PRKD3: variants seen among roughly 807,000 people sequenced by gnomAD.
PRKD3 encodes serine/threonine-protein kinase D3.
In PRKD3, 47 loss-of-function variants were observed where a neutral mutation model predicts 99.2. The observed-to-expected ratio is 0.47, with a 90% confidence interval of 0.38 to 0.60. The LOEUF (loss-of-function observed/expected upper bound fraction) is 0.60. PRKD3 is among the 20% of genes least tolerant of loss of function. The pLI, the probability that PRKD3 is intolerant of heterozygous loss-of-function variation, is 0.00. For missense variants in PRKD3, 1,019 were observed against 1,088.4 expected, an observed-to-expected ratio of 0.94 and a Z score of 0.90; for synonymous variants, 392 against 355.4, an observed-to-expected ratio of 1.10 and a Z score of -1.16.
At chr2:37,292,975 GC>G in intron 3 of PRKD3, 157 bp downstream of exon 3, 1 of 801,362 alleles carries the variant, frequency 1.2e-6, no homozygotes, top group Non-Finnish European at 1.8e-6. Flanking sequence ...GATATAACAT[GC>G]CTGAAAGGAA....
At chr2:37,292,991 CA>C in intron 3 of PRKD3, 141 bp downstream of exon 3, 2 of 963,784 alleles carry the variant, frequency 2.1e-6, no homozygotes, top group Non-Finnish European at 1.5e-6. Flanking sequence ...AAGGAAAAAT[CA>C]TATGGTGACC....
At chr2:37,289,643 C>G (rs1385260986) in intron 4 of PRKD3, 130 bp from the exon 5 acceptor site, 9 of 720,464 alleles carry the variant, frequency 1.2e-5, no homozygotes, top group Non-Finnish European at 1.7e-5. Flanking sequence ...AATTAAGAAC[C>G]CAGACAGCAG....
intron 2 of PRKD3, among the ~76,000 whole-genome samples, chr2:37,309,752 G>A (rs1671335979): frequency 6.6e-6 from 1 of 150,566 alleles, no homozygotes; most frequent in Non-Finnish European, 1.5e-5. Context: ...GGAGGCTGAC[G>A]CAGGAGAATC....
chr2:37,304,641 C>T (rs1671077813), intron 2 of PRKD3, among the ~76,000 whole-genome samples: 1 of 151,280 alleles, frequency 6.6e-6, no homozygotes, highest in Non-Finnish European at 1.5e-5. Flanking sequence ...ACTTGGGAGG[C>T]TGGGGCAGGA....
At chr2:37,291,972 T>C (rs1670450040) in intron 3 of PRKD3, among the ~76,000 whole-genome samples, 1 of 152,004 alleles carries the variant, frequency 6.6e-6, no homozygotes, top group Admixed American at 6.5e-5. Context: ...CAGGATGAGA[T>C]GGCAAATAGT....
chr2:37,279,974 G>C, intron 7 of PRKD3, 45 bp from the exon 8 acceptor site: 1 of 1,339,848 alleles, frequency 7.5e-7, no homozygotes, highest in Non-Finnish European at 1.0e-6. Context: ...ATTAATAGAG[G>C]AAGTCCATTA....
chr2:37,259,758 AT>A, intron 15 of PRKD3, 77 bp from the exon 16 acceptor site: 2 of 1,001,892 alleles, frequency 2.0e-6, no homozygotes, highest in Non-Finnish European at 3.1e-6. Flanking sequence ...GAATGATTTA[AT>A]TTGAAAACTC....
At chr2:37,254,741 C>T (rs1252850176) in intron 17 of PRKD3, among the ~76,000 whole-genome samples, 3 of 152,186 alleles carry the variant, frequency 2.0e-5, no homozygotes, top group Admixed American at 6.5e-5. Flanking sequence ...CTCCCCACCC[C>T]GCTCCAATGC....
At position 37,279,831 on chromosome 2, in the gene PRKD3, G is replaced by C; in HGVS notation, c.1087C>G (p.Pro363Ala). 1.9e-6 allele frequency: 3 copies of C among 1,613,292 alleles called. No individual in the cohort carries two copies. The East Asian group carries it at 6.7e-5, about 36-fold the overall frequency. The change falls in exon 8 of 19, where the codon CCA becomes GCA. Residue 363 changes from proline (P) to alanine (A), a missense_variant. Coordinates refer to ENST00000234179, the MANE Select transcript of PRKD3 (RefSeq NM_005813.6). The stretch of plus-strand genomic sequence containing the variant: ...AACATCTTATCTTCTGGGGGTGATG[G>C]CTCTTCTGTGTCATCCAAACCCCGA... ...SSRGLDDTEE[P>A]SPPEDKMFFL...
In PRKD3 at chr2:37,274,669, AT is replaced by A; in HGVS notation, c.1402del (p.Ile468TyrfsTer52). 6.2e-7 allele frequency: 1 copy of A among 1,613,726 alleles called. No homozygotes were observed. Among genetic ancestry groups the A allele is most frequent in the Non-Finnish European group, 8.5e-7 (1 of 1,179,702 alleles). ...KEIPLSEILR[I>X]SSPRDFTNIS... ...GTTTGTGAAATCTCGTGGTGAAGAT[AT>A]GCGGAGAATTTCTGAAAGTGGAATT... On this transcript the variant is annotated frameshift_variant, in exon 11 of 19. Coordinates refer to ENST00000234179, the MANE Select transcript of PRKD3 (RefSeq NM_005813.6). LOFTEE classifies it high-confidence loss of function.
chr2:37,298,681 T>C (rs767755955), intron 2 of PRKD3, among the ~76,000 whole-genome samples: 1 of 152,170 alleles, frequency 6.6e-6, no homozygotes, highest in Admixed American at 6.5e-5. Context: ...ATTTTATTTA[T>C]AGCTATTGTA....
chr2:37,270,462 C>T (rs1478692347), intron 12 of PRKD3, among the ~76,000 whole-genome samples: 2 of 151,570 alleles, frequency 1.3e-5, no homozygotes, highest in Non-Finnish European at 2.9e-5. Flanking sequence ...ATCCATTCCT[C>T]TATCTTTCCT....
rs2148492785 is a variant in PRKD3 at position 37,259,699 on chromosome 2, T to G, written c.2047-18A>C. 1 of 1,564,278 alleles carries G rather than the reference T, an allele frequency of 6.4e-7. No homozygotes were observed. The highest frequency in any genetic ancestry group is 2.2e-5 in the East Asian group (1 of 44,576). ...ACAAGTATCTGTTATGAAAAAAGATTTTCTTTTCAATGTCTGGAAAATCAC... is the reference window on the plus strand; with the variant it reads ...ACAAGTATCTGTTATGAAAAAAGATGTTCTTTTCAATGTCTGGAAAATCAC... On this transcript the variant is annotated intron_variant, in intron 15 of 18. Transcript: ENST00000234179.
intron 12 of PRKD3, among the ~76,000 whole-genome samples, chr2:37,270,425 A>G (rs866712992): frequency 6.0e-5 from 9 of 150,220 alleles, no homozygotes; most frequent in African/African-American, 2.2e-4. Context: ...AGAAAAGAAT[A>G]TGTATGAGAG....
At chr2:37,286,564 T>C (rs1456677580) in intron 5 of PRKD3, among the ~76,000 whole-genome samples, 195 bp from the exon 6 acceptor site, 1 of 152,232 alleles carries the variant, frequency 6.6e-6, no homozygotes, top group Non-Finnish European at 1.5e-5. Context: ...TTTTTGCTAA[T>C]ATTTATGCTT....
At chr2:37,305,668 T>A (rs1671131887) in intron 2 of PRKD3, among the ~76,000 whole-genome samples, 1 of 152,204 alleles carries the variant, frequency 6.6e-6, no homozygotes. Context: ...TATCTCTGTT[T>A]TTTATAGTTT....
intron 2 of PRKD3, among the ~76,000 whole-genome samples, chr2:37,313,455 A>G (rs1289418457): frequency 1.3e-5 from 2 of 152,224 alleles, no homozygotes; most frequent in African/African-American, 4.8e-5. Context: ...CAAATAGAAA[A>G]CAGCCAATCT....
Position 37,316,755 on chromosome 2 carries a change from T to C in PRKD3, c.-231A>G. On this transcript the variant is annotated 5_prime_UTR_variant, in exon 2 of 19. Transcript: ENST00000234179. ...TCAGTCCCATCAAAAAGCAGTCTTGTCTGTAGGAAGACAACCAGGGATTTG... is the reference window on the plus strand; with the variant it reads ...TCAGTCCCATCAAAAAGCAGTCTTGCCTGTAGGAAGACAACCAGGGATTTG... 2 of 1,365,422 alleles carry C rather than the reference T, an allele frequency of 1.5e-6. No homozygotes were observed. The highest frequency in any genetic ancestry group is 1.7e-5 in the South Asian group (1 of 58,604). The allele number at this position is 1,365,422 out of a possible 1,614,324, so 84.6% of individuals were successfully genotyped here. A position where few individuals can be genotyped will look rare whatever the true frequency, so the allele number is the denominator to read the frequency against.
At chr2:37,316,138 C>G (rs895584395) in intron 2 of PRKD3, 99 bp downstream of exon 2, 1 of 1,242,972 alleles carries the variant, frequency 8.0e-7, no homozygotes, top group Non-Finnish European at 1.1e-6. Context: ...GAATAAACTA[C>G]TGATGGATCA....
Sources: allele counts gnomAD v4.1 joint callset (sites outside exome capture counted in the v4.1 genomes callset), GRCh38; gene constraint gnomAD v4.1.1; transcripts MANE v1.5; gene names NCBI Gene and HGNC (gene_info 2026-07-23, HGNC 2026-07-21).